GRPR: variants seen among roughly 807,000 people sequenced by gnomAD.
GRPR encodes gastrin releasing peptide receptor.
A neutral mutation model predicts 15.6 loss-of-function variants in GRPR; 4 were observed. That is an observed-to-expected ratio of 0.26 (90% CI 0.13 to 0.59). GRPR has a LOEUF of 0.59. GRPR is among the 20% of genes least tolerant of loss of function. GRPR has a pLI of 0.90. For synonymous variants in GRPR, 128 were observed against 126.8 expected, an observed-to-expected ratio of 1.01 and a Z score of -0.06; for missense variants, 270 against 304.1, an observed-to-expected ratio of 0.89 and a Z score of 0.83.
rs764347896 is a variant in GRPR at position 16,152,903 on chromosome X, G to A, written c.*258G>A. On this transcript the variant is annotated 3_prime_UTR_variant, in exon 3 of 3. Transcript: ENST00000380289. ...CTTCCCTTTTCAGAAAAGGGAACAA[G>A]TAGAAAATTATTTTTTAAGCCTCAA... 1.8e-4 allele frequency: 71 copies of A among 387,343 alleles called. No individual in the cohort carries two copies. The Middle Eastern group carries it at 3.6e-3, about 19-fold the overall frequency. The allele number at this position is 387,343 out of a possible 1,213,427, so 31.9% of individuals were successfully genotyped here. A position where few individuals can be genotyped will look rare whatever the true frequency, so the allele number is the denominator to read the frequency against.
chrX:16,126,119 A>G (rs1161728019), intron 1 of GRPR, among the ~76,000 whole-genome samples: 1 of 111,545 alleles, frequency 9.0e-6, no homozygotes, highest in Non-Finnish European at 1.9e-5. Flanking sequence ...CAGAAAGGGA[A>G]AGCTCTTTCA....
At chrX:16,125,022 A>G (rs1277566750) in intron 1 of GRPR, among the ~76,000 whole-genome samples, 1 of 96,212 alleles carries the variant, frequency 1.0e-5, no homozygotes, top group East Asian at 3.0e-4. Context: ...TCTAATTTTA[A>G]TATCTTTATT....
chrX:16,134,486 AGATT>A (rs1346208404), intron 1 of GRPR, among the ~76,000 whole-genome samples: 4 of 112,288 alleles, frequency 3.6e-5, no homozygotes, highest in Admixed American at 1.9e-4. Flanking sequence ...CTTCCAGAAG[AGATT>A]AGCTTTTGCT....
intron 1 of GRPR, among the ~76,000 whole-genome samples, chrX:16,144,522 G>A (rs1922576723): frequency 8.9e-6 from 1 of 111,804 alleles, no homozygotes; most frequent in African/African-American, 3.3e-5. Context: ...GGGCTGAAAT[G>A]CTGGATCCTT....
intron 1 of GRPR, among the ~76,000 whole-genome samples, chrX:16,145,713 G>T (rs1231618656): frequency 8.9e-6 from 1 of 112,068 alleles, no homozygotes; most frequent in Non-Finnish European, 1.9e-5. Flanking sequence ...CATTCTACAT[G>T]ATGTGATTAT....
chrX:16,143,800 C>T (rs1380283964), intron 1 of GRPR, among the ~76,000 whole-genome samples: 1 of 112,193 alleles, frequency 8.9e-6, no homozygotes, highest in Non-Finnish European at 1.9e-5. Context: ...CAGTGTAGCA[C>T]CTCAGTTCTT....
Position 16,150,629 on chromosome X carries a change from G to A in GRPR, c.738G>A (p.Val246=). ...TCCAGAGTGCTTACAATCTTCCCGT[G>A]GAAGGGAATATACATGTCAAGAAGC... is the stretch of plus-strand genomic sequence containing the variant. The part of the protein sequence containing the change: ...NLIQSAYNLP[V]EGNIHVKKQI... The change falls in exon 2 of 3, where the codon GTG becomes GTA. Residue 246 remains valine (V), a synonymous_variant. Transcript: ENST00000380289. The A allele has an allele frequency of 8.6e-7, 1 of 1,164,739 alleles. No homozygotes were observed. The highest frequency in any genetic ancestry group is 1.2e-6 in the Non-Finnish European group (1 of 852,527).
Position 16,152,982 on chromosome X carries a change from G to T in GRPR, c.*337G>T. 1 of 261,400 alleles carries T rather than the reference G, an allele frequency of 3.8e-6. No individual in the cohort carries two copies. The highest frequency in any genetic ancestry group is 6.9e-6 in the Non-Finnish European group (1 of 145,138). The allele number at this position is 261,400 out of a possible 1,213,427, so 21.5% of individuals were successfully genotyped here. ...GTCATAGAAACTGTATGAACAACCA[G>T]ATTTACATAGCAGAGAAATCATACA... On this transcript the variant is annotated 3_prime_UTR_variant, in exon 3 of 3. Coordinates refer to ENST00000380289, the MANE Select transcript of GRPR (RefSeq NM_005314.3).
chrX:16,152,034 C>CT (rs58339846), intron 2 of GRPR, among the ~76,000 whole-genome samples: 8,796 of 109,363 alleles, frequency 0.08, 947 homozygotes, highest in African/African-American at 0.28. Flanking sequence ...GTTTCTGACT[C>CT]TTTTTTTTTC....
intron 1 of GRPR, among the ~76,000 whole-genome samples, chrX:16,147,465 C>T (rs2147036487): frequency 9.0e-6 from 1 of 111,167 alleles, no homozygotes; most frequent in African/African-American, 3.3e-5. Context: ...TTTTCTATGC[C>T]ATATATTTGT....
At chrX:16,140,017 T>C (rs1413098009) in intron 1 of GRPR, among the ~76,000 whole-genome samples, 4 of 111,776 alleles carry the variant, frequency 3.6e-5, no homozygotes, top group Non-Finnish European at 7.5e-5. Context: ...CAGTTAATCA[T>C]AGAAGTGGGA....
chrX:16,142,500 A>G (rs1922543869), intron 1 of GRPR, among the ~76,000 whole-genome samples: 1 of 111,107 alleles, frequency 9.0e-6, no homozygotes, highest in African/African-American at 3.3e-5. Context: ...TTCAGTGTAT[A>G]TTTTCTGAGA....
intron 1 of GRPR, among the ~76,000 whole-genome samples, chrX:16,141,396 TCAGTA>T (rs1922529345): frequency 1.8e-5 from 2 of 112,230 alleles, no homozygotes; most frequent in Non-Finnish European, 3.8e-5. Context: ...TATCCCAGGA[TCAGTA>T]CCTTCTCAAT....
rs755524723 is a variant in GRPR, at chrX:16,142,406, T to C, written c.414-7899T>C. On this transcript the variant is annotated intron_variant, in intron 1 of 2. Transcript: ENST00000380289. ...TTCCTAGATTTTTTTTCTCTCTTTCTTTCTGTGTGTATGTTGTTGTGTTTT... is the reference window on the plus strand; with the variant it reads ...TTCCTAGATTTTTTTTCTCTCTTTCCTTCTGTGTGTATGTTGTTGTGTTTT... Among the ~76,000 whole-genome samples the C allele has an allele frequency of 9.9e-5, 11 of 111,630 alleles. No homozygotes were observed. In the Admixed American group the frequency reaches 1.0e-3, roughly 11 times the overall value.
Position 16,152,717 on chromosome X carries a change from T to C in GRPR, c.*72T>C. 3 of 979,673 alleles carry C rather than the reference T, an allele frequency of 3.1e-6. No individual in the cohort carries two copies. The highest frequency in any genetic ancestry group is 3.8e-5 in the South Asian group (2 of 52,076). 80.7% of individuals were successfully genotyped at this position (979,673 alleles called of 1,213,427 possible). A position where few individuals can be genotyped will look rare whatever the true frequency, so the allele number is the denominator to read the frequency against. The stretch of plus-strand genomic sequence containing the variant: ...TAGACAGGAACCCTTGCATCCATTG[T>C]TGTGTCTGTGCCCTCCAAAGAGCCT... On this transcript the variant is annotated 3_prime_UTR_variant, in exon 3 of 3. Coordinates refer to ENST00000380289, the MANE Select transcript of GRPR (RefSeq NM_005314.3).
chrX:16,150,976 C>G (rs1922689977), intron 2 of GRPR, among the ~76,000 whole-genome samples: 1 of 111,957 alleles, frequency 8.9e-6, no homozygotes, highest in South Asian at 3.7e-4. Flanking sequence ...GGGGATGTGA[C>G]TTCTTTAAAC....
chrX:16,127,669 C>T (rs1010644149), intron 1 of GRPR, among the ~76,000 whole-genome samples: 1 of 111,997 alleles, frequency 8.9e-6, no homozygotes, highest in African/African-American at 3.3e-5. Flanking sequence ...CATTTTCCTG[C>T]CATTACTACC....
intron 1 of GRPR, among the ~76,000 whole-genome samples, chrX:16,135,928 G>A (rs918071216): frequency 8.9e-6 from 1 of 112,138 alleles, no homozygotes; most frequent in African/African-American, 3.2e-5. Flanking sequence ...TTCTTTCCTA[G>A]ATTGTGAACA....
intron 2 of GRPR, 74 bp from the exon 3 acceptor site, chrX:16,152,182 A>G (rs960392282): frequency 2.7e-4 from 245 of 894,721 alleles, no homozygotes; most frequent in Non-Finnish European, 3.9e-4. Context: ...CTCTGCCTGA[A>G]TCTTTGTCTC....
Sources: gnomAD v4.1 joint callset for allele counts (sites outside exome capture counted in the v4.1 genomes callset) on GRCh38, gnomAD v4.1.1 for gene constraint, MANE v1.5 for transcripts, NCBI Gene and HGNC (gene_info 2026-07-23, HGNC 2026-07-21) for gene names.